TNS1: variants seen among roughly 807,000 people sequenced by gnomAD.
The protein encoded by TNS1 is tensin 1, also known as tensin-1.
A neutral mutation model predicts 168.6 loss-of-function variants in TNS1; 62 were observed. The ratio of observed to expected loss-of-function variants is 0.37; its 90% CI spans 0.30 to 0.45. The LOEUF is 0.45. Among genes scored for constraint, TNS1 ranks in the 20% least tolerant of loss-of-function variants. TNS1 has a pLI of 1.00. For synonymous variants in TNS1, 934 were observed against 933.2 expected, an observed-to-expected ratio of 1.00 and a Z score of -0.02; for missense variants, 2,240 against 2,339.4, an observed-to-expected ratio of 0.96 and a Z score of 0.88.
chr2:217,976,380 G>C (rs143055685), intron 3 of TNS1, among the ~76,000 whole-genome samples: 1,954 of 152,322 alleles, frequency 0.013, 45 homozygotes, highest in African/African-American at 0.045. Flanking sequence ...GGCTCCCGCT[G>C]CCCTTCCCAG....
intron 6 of TNS1, among the ~76,000 whole-genome samples, chr2:217,905,952 C>A (rs921263037): frequency 2.0e-5 from 3 of 152,250 alleles, no homozygotes; most frequent in Non-Finnish European, 4.4e-5. Flanking sequence ...AGCACTACCA[C>A]TTCCCCAAGG....
chr2:217,898,320 G>T (rs1304664113), intron 7 of TNS1, among the ~76,000 whole-genome samples: 2 of 152,218 alleles, frequency 1.3e-5, no homozygotes, highest in African/African-American at 4.8e-5. Flanking sequence ...GAACCCAGGA[G>T]CTCTGGCTCC....
At chr2:217,964,055 G>T (rs1163594794) in intron 3 of TNS1, among the ~76,000 whole-genome samples, 1 of 152,086 alleles carries the variant, frequency 6.6e-6, no homozygotes, top group African/African-American at 2.4e-5. Context: ...CAAGACGGCT[G>T]GTCCAGTGGA....
rs759671156 is a variant in TNS1 at position 217,848,259 on chromosome 2, T to C, written c.2258A>G (p.Gln753Arg). Residue 753 changes from glutamine to arginine, a missense_variant, in exon 19 of 33, where the codon CAG becomes CGG. This residue lies in a region of TNS1 where 2,131 missense variants were observed against 2,171.2 expected (regional missense o/e 0.98). Coordinates refer to ENST00000682258, the MANE Select transcript of TNS1 (RefSeq NM_001387777.1). Reference sequence around the variant, plus strand: ...CCCTCGGACCGGAGCTGGGGGCAGCTGGGGTTCAGCTTCCGAAAAGGATTG... The same window carrying C: ...CCCTCGGACCGGAGCTGGGGGCAGCCGGGGTTCAGCTTCCGAAAAGGATTG... ...RSQSFSEAEP[Q>R]LPPAPVRGGS... The C allele has an allele frequency of 3.9e-6, 6 of 1,553,808 alleles. No homozygotes were observed. In the South Asian group the frequency reaches 4.9e-5, roughly 13 times the overall value.
At chr2:217,856,120 G>A (rs114521517) in intron 18 of TNS1, among the ~76,000 whole-genome samples, 1,533 of 152,250 alleles carry the variant, frequency 0.01, 32 homozygotes, top group African/African-American at 0.034. Context: ...TGCTGTCTCT[G>A]GGGATCCTCT....
intron 30 of TNS1, among the ~76,000 whole-genome samples, chr2:217,809,360 G>C (rs373902689): frequency 9.8e-3 from 635 of 64,870 alleles, no homozygotes; most frequent in Admixed American, 0.014. Flanking sequence ...TGGATGGATG[G>C]ATGGATGGAT....
chr2:217,805,555 A>ACCACACACACATACACCAC (rs1559132467), intron 32 of TNS1, among the ~76,000 whole-genome samples: 11 of 1,008 alleles, frequency 0.011, no homozygotes, highest in Admixed American at 0.029. Flanking sequence ...ACCACACACC[A>ACCACACACACATACACCAC]CACACACCAC....
At chr2:217,964,683 T>C (rs180858941) in intron 3 of TNS1, among the ~76,000 whole-genome samples, 19 of 152,316 alleles carry the variant, frequency 1.2e-4, no homozygotes, top group Non-Finnish European at 2.6e-4. Context: ...AGGGCTTTCC[T>C]GCTGCTCCTC....
chr2:218,000,154 C>T (rs913109051), intron 1 of TNS1, among the ~76,000 whole-genome samples: 5 of 152,248 alleles, frequency 3.3e-5, no homozygotes, highest in Admixed American at 1.3e-4. Flanking sequence ...TCAAGTTATG[C>T]ATAATAAATA....
upstream of TNS1, among the ~76,000 whole-genome samples, chr2:218,007,239 C>T (rs967564859): frequency 6.6e-6 from 1 of 152,194 alleles, no homozygotes; most frequent in Non-Finnish European, 1.5e-5. Context: ...CCCTCAGATT[C>T]TGGTATTCTC....
chr2:217,815,332 A>C, intron 24 of TNS1: 1 of 275,508 alleles, frequency 3.6e-6, no homozygotes, highest in Non-Finnish European at 7.1e-6. Flanking sequence ...GAGGCCTGGG[A>C]CAGATTCTCC....
rs981530023 is a variant in TNS1, at chr2:217,804,413, C to G, written c.*46G>C. ...GGTCAGGATTCATGGGTCCCCTCCCCACAAGCCCCTTCCCCATGGCACTGG... is the reference window on the plus strand; with the variant it reads ...GGTCAGGATTCATGGGTCCCCTCCCGACAAGCCCCTTCCCCATGGCACTGG... On this transcript the variant is annotated 3_prime_UTR_variant, in exon 33 of 33. Transcript: ENST00000682258. The G allele has an allele frequency of 6.2e-7, 1 of 1,608,112 alleles. No individual in the cohort carries two copies. Among genetic ancestry groups the G allele is most frequent in the Middle Eastern group, 1.7e-4 (1 of 6,060 alleles).
chr2:217,810,236 G>T lies in TNS1; in HGVS notation c.5104+12C>A, dbSNP rs746833374. ...GGCCTGGGCATGGGTACAGTTTCAG[G>T]TGACCACTCACCTGCCCCTTGTTTC... is the stretch of plus-strand genomic sequence containing the variant. On this transcript the variant is annotated intron_variant, in intron 29 of 32. Transcript: ENST00000682258. 1 of 1,613,738 alleles carries T rather than the reference G, an allele frequency of 6.2e-7. No homozygotes were observed. The highest frequency in any genetic ancestry group is 8.5e-7 in the Non-Finnish European group (1 of 1,179,950).
chr2:217,817,625 G>A, intron 24 of TNS1, 65 bp downstream of exon 24: 1 of 1,359,680 alleles, frequency 7.4e-7, no homozygotes, highest in East Asian at 2.3e-5. Flanking sequence ...CACTGGGATA[G>A]ATATTTCACT....
chr2:217,811,876 C>T (rs903791990), intron 28 of TNS1, among the ~76,000 whole-genome samples: 1 of 152,198 alleles, frequency 6.6e-6, no homozygotes, highest in Non-Finnish European at 1.5e-5. Context: ...TCAGCATCCC[C>T]TTAGTCAGGG....
intron 29 of TNS1, 58 bp from the exon 30 acceptor site, chr2:217,810,049 C>T (rs1234676792): frequency 1.3e-6 from 2 of 1,570,706 alleles, no homozygotes. Flanking sequence ...AGGACATTAA[C>T]CCAGATCCAT....
In TNS1 at chr2:218,001,980, A is replaced by T. The variant is rs572069764; in HGVS notation, c.33+860T>A. 2.5e-3 allele frequency among the ~76,000 whole-genome samples: 387 copies of T among 151,988 alleles called. 1 individual carries two copies. The highest frequency in any genetic ancestry group is 8.8e-3 in the African/African-American group (366 of 41,448). On this transcript the variant is annotated intron_variant, in intron 1 of 32. Coordinates refer to ENST00000682258, the MANE Select transcript of TNS1 (RefSeq NM_001387777.1). Reference sequence around the variant, plus strand: ...ACGACTTCCTCACCCTCCTGACCCCATGCATGCCTTTGCCTGGCCAAGACA... The same window carrying T: ...ACGACTTCCTCACCCTCCTGACCCCTTGCATGCCTTTGCCTGGCCAAGACA...
chr2:218,023,632 C>A (rs894091882), intron 1 of TNS1, among the ~76,000 whole-genome samples: 6 of 152,164 alleles, frequency 3.9e-5, no homozygotes, highest in African/African-American at 1.4e-4. Context: ...ACTTTACATA[C>A]CTTACCCACC....
chr2:217,938,826 G>C (rs1421790296), intron 3 of TNS1, among the ~76,000 whole-genome samples: 1 of 152,218 alleles, frequency 6.6e-6, no homozygotes, highest in Non-Finnish European at 1.5e-5. Context: ...TCCCTGAACA[G>C]ACAAGACCTC....
Sources: gnomAD v4.1 joint callset for allele counts (sites outside exome capture counted in the v4.1 genomes callset) on GRCh38, gnomAD v4.1.1 for gene constraint, gnomAD v4.1.1 regional missense constraint, MANE v1.5 for transcripts, NCBI Gene and HGNC (gene_info 2026-07-23, HGNC 2026-07-21) for gene names.